The following FNBP4 variants were observed in gnomAD, a reference collection of about 807,000 sequenced individuals.
The protein encoded by FNBP4 is formin binding protein 4, also known as formin-binding protein 4.
A neutral mutation model predicts 119.3 loss-of-function variants in FNBP4; 34 were observed. The observed-to-expected ratio is 0.28, with a 90% CI of 0.22 to 0.38. The LOEUF is 0.38. Ranked by LOEUF, FNBP4 falls within the 10% of genes least tolerant of loss-of-function variation. The pLI is 1.00. For missense variants in FNBP4, 1,112 were observed against 1,228.9 expected, an observed-to-expected ratio of 0.90 and a Z score of 1.42; for synonymous variants, 462 against 430.6, an observed-to-expected ratio of 1.07 and a Z score of -0.90.
At chr11:47,726,211 C>G (rs2135082817) in intron 12 of FNBP4, 1 of 152,268 alleles carries the variant, frequency 6.6e-6, no homozygotes, top group East Asian at 1.9e-4. Flanking sequence ...TCAAAATACA[C>G]ACTGGCACTC....
In FNBP4 at chr11:47,765,567, CGGGGGGG is replaced by C. The variant is rs34848619; in HGVS notation, c.221-212_221-206del. 8.2e-5 allele frequency among the ~76,000 whole-genome samples: 3 copies of C among 36,406 alleles called. 1 individual carries two copies. The highest frequency in any genetic ancestry group is 1.1e-3 in the South Asian group (1 of 920). 23.9% of individuals were successfully genotyped at this position (36,406 alleles called of 152,430 possible). A position where few individuals can be genotyped will look rare whatever the true frequency, so the allele number is the denominator to read the frequency against. On this transcript the variant is annotated intron_variant, in intron 1 of 16. Coordinates refer to ENST00000263773, the MANE Select transcript of FNBP4 (RefSeq NM_015308.5). ...ATCCCAGCACTTTGGGAGGCCAAGA[CGGGGGGG>C]GGGGGGGGCCACTTGAGGTCAGGGG... is the stretch of plus-strand genomic sequence containing the variant.
intron 9 of FNBP4, among the ~76,000 whole-genome samples, chr11:47,734,986 C>CT (rs1437186136): frequency 3.6e-5 from 4 of 112,566 alleles, no homozygotes; most frequent in African/African-American, 6.2e-5. Context: ...ACACCCCCCC[C>CT]CCCAAAAAAA....
chr11:47,733,901 ATTC>A, intron 10 of FNBP4, 121 bp downstream of exon 10: 1 of 512,932 alleles, frequency 1.9e-6, no homozygotes, highest in Non-Finnish European at 3.4e-6. Flanking sequence ...CGGCTCAAAT[ATTC>A]TTCAAGGTTA....
intron 2 of FNBP4, among the ~76,000 whole-genome samples, chr11:47,763,473 G>A (rs1235500959): frequency 3.7e-5 from 5 of 135,396 alleles, no homozygotes; most frequent in Admixed American, 1.6e-4. Context: ...AGAAAGCATG[G>A]TCATTCTTCA....
chr11:47,731,873 T>C (rs372216054), intron 11 of FNBP4: 12 of 1,052,764 alleles, frequency 1.1e-5, no homozygotes, highest in Admixed American at 5.3e-5. Context: ...GTTTCATTAA[T>C]GAAGGGACTC....
At chr11:47,754,035 T>C (rs963191828) in intron 3 of FNBP4, among the ~76,000 whole-genome samples, 3 of 151,188 alleles carry the variant, frequency 2.0e-5, no homozygotes, top group African/African-American at 7.3e-5. Flanking sequence ...TGAAACCCCG[T>C]CTCTACCAAA....
At position 47,747,121 on chromosome 11, in the gene FNBP4, T is replaced by A. The variant is rs1469524154; in HGVS notation, c.907-727A>T. ...ATCTCAAGTCACTGCAACCTCTGCC[T>A]CCCAGGTTCCAGCGATTCCCAGCCT... On this transcript the variant is annotated intron_variant, in intron 6 of 16. Coordinates refer to ENST00000263773, the MANE Select transcript of FNBP4 (RefSeq NM_015308.5). Among the ~76,000 whole-genome samples the A allele has an allele frequency of 3.3e-5, 5 of 152,116 alleles. No individual in the cohort carries two copies. In the East Asian group the frequency reaches 9.7e-4, roughly 29 times the overall value.
chr11:47,762,194 G>A (rs1044659481), intron 2 of FNBP4, among the ~76,000 whole-genome samples: 5 of 149,474 alleles, frequency 3.3e-5, no homozygotes, highest in Non-Finnish European at 7.4e-5. Flanking sequence ...GTGCAATGGT[G>A]TGGTCTAGCT....
chr11:47,718,020 G>A (rs1356655858), intron 16 of FNBP4, among the ~76,000 whole-genome samples: 1 of 151,754 alleles, frequency 6.6e-6, no homozygotes, highest in Non-Finnish European at 1.5e-5. Context: ...CTCCCAAAGT[G>A]CTGGGATTAC....
Position 47,717,496 on chromosome 11 carries a change from T to C in FNBP4, c.2980A>G (p.Asn994Asp). Residue 994 changes from asparagine (N) to aspartate (D), a missense_variant, in exon 17 of 17, where the codon AAT becomes GAT. By Grantham distance (23) the Asn-to-Asp change is conservative (BLOSUM62 1). This residue lies in a region of FNBP4 where 826 missense variants were observed against 988.8 expected (regional missense o/e 0.84). Transcript: ENST00000263773. Reference protein sequence around the residue: ...QQLVSGMAERNANFEALPEDW... With the variant: ...QQLVSGMAERDANFEALPEDW... Reference sequence around the variant, plus strand: ...TCAGGAAGGGCTTCAAAATTAGCATTTCTCTCTGCCATGCCACTGTGAAAA... The same window carrying C: ...TCAGGAAGGGCTTCAAAATTAGCATCTCTCTCTGCCATGCCACTGTGAAAA... 6.2e-7 allele frequency: 1 copy of C among 1,612,808 alleles called. No individual in the cohort carries two copies. The highest frequency in any genetic ancestry group is 8.5e-7 in the Non-Finnish European group (1 of 1,179,542).
intron 2 of FNBP4, among the ~76,000 whole-genome samples, chr11:47,763,380 A>C (rs1187529074): frequency 6.7e-6 from 1 of 150,042 alleles, no homozygotes; most frequent in Non-Finnish European, 1.5e-5. Flanking sequence ...CGGGAGGCAG[A>C]GGTTGCAGTG....
chr11:47,717,529 C>G lies in FNBP4; in HGVS notation c.2964-17G>C. On this transcript the variant is annotated splice_polypyrimidine_tract_variant and intron_variant, in intron 16 of 16. Coordinates refer to ENST00000263773, the MANE Select transcript of FNBP4 (RefSeq NM_015308.5). ...GCCATGCCACTGTGAAAACAACATA[C>G]AGATTATTTTAGTGGAAAGAAAAAT... is the stretch of plus-strand genomic sequence containing the variant. 6.4e-7 allele frequency: 1 copy of G among 1,570,470 alleles called. No individual in the cohort carries two copies. Among genetic ancestry groups the G allele is most frequent in the Non-Finnish European group, 8.7e-7 (1 of 1,148,132 alleles).
chr11:47,757,463 C>T (rs1005864428), intron 2 of FNBP4, among the ~76,000 whole-genome samples: 2 of 152,106 alleles, frequency 1.3e-5, no homozygotes, highest in Non-Finnish European at 2.9e-5. Context: ...CCGCCCACCT[C>T]GGCCTCCCAA....
intron 10 of FNBP4, among the ~76,000 whole-genome samples, chr11:47,733,217 G>C (rs1023284950): frequency 7.9e-5 from 12 of 152,178 alleles, no homozygotes; most frequent in Non-Finnish European, 1.6e-4. Flanking sequence ...AAAATGAGTA[G>C]TAGTAGTTTT....
At position 47,722,144 on chromosome 11, in the gene FNBP4, G is replaced by GT. The variant is rs57726690; in HGVS notation, c.2805+831dup. ...AAGAAAGGTTCTACAAAAGCAGAGGGTTTTTTTTTTTTTTGTCTGTTTGAT... is the reference window on the plus strand; with the variant it reads ...AAGAAAGGTTCTACAAAAGCAGAGGGTTTTTTTTTTTTTTTGTCTGTTTGAT... On this transcript the variant is annotated intron_variant, in intron 15 of 16. Coordinates refer to ENST00000263773, the MANE Select transcript of FNBP4 (RefSeq NM_015308.5). Among the ~76,000 whole-genome samples the GT allele has an allele frequency of 2.2e-3, 293 of 133,564 alleles. 5 individuals are homozygous for GT. Among genetic ancestry groups the GT allele is most frequent in the Middle Eastern group, 7.3e-3 (2 of 274 alleles). 87.6% of individuals were successfully genotyped at this position (133,564 alleles called of 152,430 possible).
intron 12 of FNBP4, among the ~76,000 whole-genome samples, chr11:47,728,848 CTTTTT>C (rs35490791): frequency 3.5e-5 from 4 of 113,584 alleles, no homozygotes; most frequent in Admixed American, 1.0e-4. Flanking sequence ...CTGTAGGCGT[CTTTTT>C]TTTTTTTTTT....
rs1468121660 is a variant in FNBP4 at position 47,760,258 on chromosome 11, CA to C, written c.313+5011del. On this transcript the variant is annotated intron_variant, in intron 2 of 16. Coordinates refer to ENST00000263773, the MANE Select transcript of FNBP4 (RefSeq NM_015308.5). ...AGAGAGACATCATAAATTGATCAAA[CA>C]TTTTTTTTTTTTTTTTTTTTGAGAC... 1.4e-3 allele frequency among the ~76,000 whole-genome samples: 194 copies of C among 133,894 alleles called. 1 individual carries two copies. Among genetic ancestry groups the C allele is most frequent in the Non-Finnish European group, 1.1e-3 (69 of 62,302 alleles). The allele number at this position is 133,894 out of a possible 152,430, so 87.8% of individuals were successfully genotyped here. A position where few individuals can be genotyped will look rare whatever the true frequency, so the allele number is the denominator to read the frequency against.
rs577200137 is a variant in FNBP4, at chr11:47,736,973, A to G, written c.1457-233T>C. Among the ~76,000 whole-genome samples the G allele has an allele frequency of 3.9e-5, 6 of 152,276 alleles. No homozygotes were observed. The South Asian group carries it at 1.2e-3, about 32-fold the overall frequency. On this transcript the variant is annotated intron_variant, in intron 8 of 16. Transcript: ENST00000263773. Reference sequence around the variant, plus strand: ...GTAATCCCACCACTTTGGCATTTGGAGGTGAAAAGATCACGAGGTCAGGAG... The same window carrying G: ...GTAATCCCACCACTTTGGCATTTGGGGGTGAAAAGATCACGAGGTCAGGAG...
intron 8 of FNBP4, among the ~76,000 whole-genome samples, chr11:47,742,957 ATTG>A (rs891238677): frequency 5.9e-5 from 9 of 151,818 alleles, no homozygotes; most frequent in South Asian, 2.1e-4. Context: ...TAACACCTGT[ATTG>A]TTGTTTTTTT....
Sources: gnomAD v4.1 joint callset for allele counts (sites outside exome capture counted in the v4.1 genomes callset) on GRCh38, gnomAD v4.1.1 for gene constraint, gnomAD v4.1.1 regional missense constraint, MANE v1.5 for transcripts, NCBI Gene and HGNC (gene_info 2026-07-23, HGNC 2026-07-21) for gene names.